PVT1: variants seen among roughly 807,000 people sequenced by gnomAD.
PVT1 encodes CXCR4/PVT1 fusion.
Position 127,843,569 on chromosome 8 carries a change from A to T in PVT1, n.373-47020A>T, listed in dbSNP as rs142185249. 3.1e-4 allele frequency among the ~76,000 whole-genome samples: 47 copies of T among 151,818 alleles called. No individual in the cohort carries two copies. The East Asian group carries it at 9.0e-3, about 29-fold the overall frequency. ...GCCATTCTCCTGCCTCAGCCTCTTG[A>T]GTAGCTGGGACTACAGGCGCCCGCC... is the stretch of plus-strand genomic sequence containing the variant. On this transcript the variant is annotated intron_variant and non_coding_transcript_variant, in intron 2 of 10. Coordinates refer to ENST00000651587, the Ensembl canonical transcript of PVT1.
intron 3 of PVT1, among the ~76,000 whole-genome samples, chr8:127,927,842 G>A (rs1389539675): frequency 1.3e-5 from 2 of 152,222 alleles, no homozygotes; most frequent in African/African-American, 4.8e-5. Flanking sequence ...CGAGCAGTTT[G>A]AAGAATGAGC....
At chr8:127,849,274 A>C (rs2129729937) in intron 2 of PVT1, among the ~76,000 whole-genome samples, 1 of 152,186 alleles carries the variant, frequency 6.6e-6, no homozygotes, top group East Asian at 1.9e-4. Flanking sequence ...GGAGACCTTT[A>C]CCTTTTCAGT....
chr8:127,941,178 A>C (rs1417863640), intron 3 of PVT1, among the ~76,000 whole-genome samples: 2 of 152,148 alleles, frequency 1.3e-5, no homozygotes, highest in East Asian at 3.9e-4. Flanking sequence ...AGTTCCTTTT[A>C]GGATTTAAAT....
intron 5 of PVT1, among the ~76,000 whole-genome samples, chr8:128,087,730 A>C (rs529283032): frequency 2.7e-5 from 4 of 146,608 alleles, no homozygotes; most frequent in African/African-American, 7.7e-5. Flanking sequence ...AACTCTGCTG[A>C]CATTCCTGAT....
chr8:127,867,434 G>A (rs1002844311), intron 2 of PVT1, among the ~76,000 whole-genome samples: 1 of 152,314 alleles, frequency 6.6e-6, no homozygotes, highest in African/African-American at 2.4e-5. Context: ...CACATTCCTC[G>A]GCAGTATCCC....
intron 2 of PVT1, among the ~76,000 whole-genome samples, chr8:127,845,633 G>A (rs1162165200): frequency 6.6e-6 from 1 of 152,134 alleles, no homozygotes. Context: ...TCCACCTACC[G>A]GATGGGATTA....
intron 5 of PVT1, among the ~76,000 whole-genome samples, chr8:128,081,496 A>AT (rs1814177758): frequency 6.6e-6 from 1 of 152,168 alleles, no homozygotes; most frequent in South Asian, 2.1e-4. Context: ...TTGTTCAGAG[A>AT]TTTTTCGTTA....
chr8:128,068,957 A>G (rs1405225312), intron 4 of PVT1, among the ~76,000 whole-genome samples: 2 of 152,242 alleles, frequency 1.3e-5, no homozygotes, highest in African/African-American at 4.8e-5. Context: ...CAGTTTCCAG[A>G]AAATGAGAAA....
intron 3 of PVT1, among the ~76,000 whole-genome samples, chr8:127,928,779 G>A (rs987061267): frequency 2.0e-5 from 3 of 152,194 alleles, no homozygotes; most frequent in African/African-American, 7.2e-5. Context: ...CTGCAGAGAG[G>A]GGCTGAGAAT....
At chr8:128,089,343 G>A (rs1350177805) in intron 5 of PVT1, among the ~76,000 whole-genome samples, 1 of 152,130 alleles carries the variant, frequency 6.6e-6, no homozygotes, top group African/African-American at 2.4e-5. Flanking sequence ...TGAAGGAAGG[G>A]GCAGGAGAGC....
intron 2 of PVT1, among the ~76,000 whole-genome samples, chr8:127,883,250 A>C (rs550803451): frequency 2.0e-5 from 3 of 152,280 alleles, no homozygotes; most frequent in Admixed American, 2.0e-4. Context: ...TCTGTACCTC[A>C]TACCCCATTT....
intron 2 of PVT1, among the ~76,000 whole-genome samples, chr8:127,853,404 G>C (rs139463840): frequency 6.6e-6 from 1 of 152,170 alleles, no homozygotes; most frequent in Non-Finnish European, 1.5e-5. Context: ...CTTTAGCTCA[G>C]TCCAGTTGAG....
In PVT1 at chr8:127,824,824, A is replaced by G. The variant is rs139927837; in HGVS notation, n.372+28753A>G. On this transcript the variant is annotated intron_variant and non_coding_transcript_variant, in intron 2 of 10. Coordinates refer to ENST00000651587, the Ensembl canonical transcript of PVT1. The stretch of plus-strand genomic sequence containing the variant: ...ATTTTATCTGCACTATTAGGTATTA[A>G]GAATATTTAATGTGGCCGGGCATGA... Among the ~76,000 whole-genome samples the G allele has an allele frequency of 3.9e-3, 597 of 152,276 alleles. 4 individuals carry two copies. The highest frequency in any genetic ancestry group is 0.013 in the African/African-American group (546 of 41,544).
intron 4 of PVT1, among the ~76,000 whole-genome samples, chr8:128,021,290 C>CTTT (rs11438511): frequency 0.12 from 9,674 of 80,872 alleles, 1,613 homozygotes; most frequent in South Asian, 0.16. Flanking sequence ...AGGACTTGTG[C>CTTT]TTTTTTTTTT....
intron 4 of PVT1, among the ~76,000 whole-genome samples, chr8:127,995,662 A>G (rs1411843156): frequency 6.6e-6 from 1 of 152,210 alleles, no homozygotes; most frequent in African/African-American, 2.4e-5. Context: ...AGTAATCAAG[A>G]TGGCCATGAA....
intron 4 of PVT1, among the ~76,000 whole-genome samples, chr8:128,065,348 C>T (rs1032034931): frequency 6.6e-6 from 1 of 152,124 alleles, no homozygotes; most frequent in Admixed American, 6.5e-5. Context: ...CACGCCACCA[C>T]GCCTGGTTAA....
At chr8:128,069,840 C>A (rs534305889) in intron 4 of PVT1, among the ~76,000 whole-genome samples, 1 of 152,090 alleles carries the variant, frequency 6.6e-6, no homozygotes, top group African/African-American at 2.4e-5. Context: ...TTTTTTCTTT[C>A]GAATTTTATT....
At chr8:127,808,354 T>G (rs1814551892) in intron 2 of PVT1, among the ~76,000 whole-genome samples, 1 of 152,136 alleles carries the variant, frequency 6.6e-6, no homozygotes, top group Non-Finnish European at 1.5e-5. Context: ...AGCCTGTTCT[T>G]TAAATTTCTT....
intron 3 of PVT1, among the ~76,000 whole-genome samples, chr8:127,949,425 ATCTG>A (rs1816468709): frequency 1.5e-4 from 7 of 46,336 alleles, no homozygotes; most frequent in Admixed American, 3.6e-4. Context: ...GTGTGTGTGT[ATCTG>A]TCTGTCTCCC....
Sources: gnomAD v4.1 joint callset for allele counts (sites outside exome capture counted in the v4.1 genomes callset) on GRCh38, gnomAD v4.1.1 for gene constraint, MANE v1.5 for transcripts, NCBI Gene and HGNC (gene_info 2026-07-23, HGNC 2026-07-21) for gene names.